TMEM132C: variants seen among roughly 807,000 people sequenced by gnomAD.
The protein encoded by TMEM132C is transmembrane protein 132C.
TMEM132C carries 29 observed loss-of-function variants against 61.4 expected under a neutral mutation model. The observed-to-expected ratio is 0.47, with a 90% confidence interval of 0.35 to 0.64. TMEM132C has a LOEUF of 0.64. TMEM132C is among the 30% of genes least tolerant of loss of function. The pLI, the probability that TMEM132C is intolerant of heterozygous loss-of-function variation, is 0.00. For synonymous variants in TMEM132C, 656 were observed against 633.1 expected, an observed-to-expected ratio of 1.04 and a Z score of -0.54; for missense variants, 1,408 against 1,476.9, an observed-to-expected ratio of 0.95 and a Z score of 0.76.
chr12:128,319,138 C>A (rs1378125482), intron 1 of TMEM132C, among the ~76,000 whole-genome samples: 1 of 152,152 alleles, frequency 6.6e-6, no homozygotes, highest in African/African-American at 2.4e-5. Context: ...CTCTGCTCGT[C>A]TTTGTAGAGC....
intron 1 of TMEM132C, among the ~76,000 whole-genome samples, chr12:128,283,834 G>T (rs771294276): frequency 1.3e-5 from 2 of 151,950 alleles, no homozygotes; most frequent in African/African-American, 2.4e-5. Context: ...CCCTGATGCC[G>T]CCTGTCCTCC....
chr12:128,592,316 C>T (rs576855916), intron 3 of TMEM132C, among the ~76,000 whole-genome samples: 101 of 152,292 alleles, frequency 6.6e-4, no homozygotes, highest in Admixed American at 3.1e-3. Context: ...CACTCTTGGA[C>T]ATTTGAGAAT....
chr12:128,450,411 T>C (rs1565940060), intron 2 of TMEM132C, among the ~76,000 whole-genome samples: 2 of 152,118 alleles, frequency 1.3e-5, no homozygotes, highest in Non-Finnish European at 2.9e-5. Context: ...TCAGGGACCC[T>C]ATGTTTCTCA....
chr12:128,358,849 A>G (rs1390418508), intron 1 of TMEM132C, among the ~76,000 whole-genome samples: 2 of 152,184 alleles, frequency 1.3e-5, no homozygotes, highest in African/African-American at 4.8e-5. Context: ...CCATATACTC[A>G]TGTTAACTGA....
chr12:128,680,586 C>T (rs1954627114), intron 5 of TMEM132C, among the ~76,000 whole-genome samples: 1 of 152,214 alleles, frequency 6.6e-6, no homozygotes, highest in Non-Finnish European at 1.5e-5. Flanking sequence ...CTAGTGTCTA[C>T]CACACTGGAC....
rs545673779 is a variant in TMEM132C, at chr12:128,308,569, C to T, written c.85+41082C>T. Among the ~76,000 whole-genome samples, 8 of 152,258 alleles carry T rather than the reference C, an allele frequency of 5.3e-5. No individual in the cohort carries two copies. In the South Asian group the frequency reaches 1.7e-3, roughly 32 times the overall value. ...TGAATGGAGGAATGTTTGTAAATCT[C>T]CCTTAGTGCTTCCTTGGGACAGGGC... is the stretch of plus-strand genomic sequence containing the variant. On this transcript the variant is annotated intron_variant, in intron 1 of 8. Coordinates refer to ENST00000435159, the MANE Select transcript of TMEM132C (RefSeq NM_001136103.3).
intron 1 of TMEM132C, among the ~76,000 whole-genome samples, chr12:128,356,640 A>G (rs557279109): frequency 6.6e-6 from 1 of 152,346 alleles, no homozygotes; most frequent in East Asian, 1.9e-4. Context: ...CTAGGGTTGA[A>G]CAGGACACTT....
intron 2 of TMEM132C, among the ~76,000 whole-genome samples, chr12:128,425,309 C>G (rs1174360064): frequency 1.3e-5 from 2 of 152,238 alleles, no homozygotes; most frequent in African/African-American, 4.8e-5. Context: ...TGGGAGGGGC[C>G]GTAGTGAATG....
At chr12:128,402,620 C>G (rs1305905320) in intron 1 of TMEM132C, among the ~76,000 whole-genome samples, 1 of 149,604 alleles carries the variant, frequency 6.7e-6, no homozygotes. Context: ...TCAGAACCCA[C>G]CTGCAGACGG....
chr12:128,451,977 T>G (rs1233747076), intron 2 of TMEM132C, among the ~76,000 whole-genome samples: 1 of 151,904 alleles, frequency 6.6e-6, no homozygotes, highest in Non-Finnish European at 1.5e-5. Flanking sequence ...AAATTAAATT[T>G]TAAGTATTAT....
intron 2 of TMEM132C, among the ~76,000 whole-genome samples, chr12:128,515,250 A>G (rs1285232207): frequency 6.6e-6 from 1 of 152,218 alleles, no homozygotes; most frequent in Non-Finnish European, 1.5e-5. Flanking sequence ...AGAGAGGTAC[A>G]CACAGATAGC....
chr12:128,267,639 G>T (rs1035122415), intron 1 of TMEM132C, among the ~76,000 whole-genome samples, 152 bp downstream of exon 1: 3 of 152,102 alleles, frequency 2.0e-5, no homozygotes, highest in Admixed American at 1.3e-4. Context: ...GTGCCGAGCC[G>T]CCCCTAATCC....
At chr12:128,493,826 T>C (rs1470061691) in intron 2 of TMEM132C, among the ~76,000 whole-genome samples, 1 of 152,174 alleles carries the variant, frequency 6.6e-6, no homozygotes, top group Non-Finnish European at 1.5e-5. Context: ...CTTTTCCTAA[T>C]TGAATACCCT....
intron 2 of TMEM132C, among the ~76,000 whole-genome samples, chr12:128,528,561 G>A (rs1327450521): frequency 6.6e-6 from 1 of 152,140 alleles, no homozygotes; most frequent in Non-Finnish European, 1.5e-5. Context: ...TTGGAACAGA[G>A]TTTCTCAACC....
At chr12:128,580,765 C>T (rs1021393769) in intron 3 of TMEM132C, among the ~76,000 whole-genome samples, 8 of 152,162 alleles carry the variant, frequency 5.3e-5, no homozygotes, top group Non-Finnish European at 8.8e-5. Context: ...TGCCCGCTCG[C>T]GCCAGCTTGC....
chr12:128,556,291 A>G (rs1416818757), intron 3 of TMEM132C, among the ~76,000 whole-genome samples: 2 of 152,196 alleles, frequency 1.3e-5, no homozygotes, highest in African/African-American at 2.4e-5. Context: ...CCATGGAGGA[A>G]ATGAATTTTC....
At chr12:128,548,632 A>G (rs74445084) in intron 3 of TMEM132C, among the ~76,000 whole-genome samples, 3,463 of 152,278 alleles carry the variant, frequency 0.023, 117 homozygotes, top group African/African-American at 0.077. Flanking sequence ...TCTAGGCACT[A>G]GGATGTGGAC....
chr12:128,703,513 G>T (rs1274655614), intron 8 of TMEM132C, among the ~76,000 whole-genome samples: 1 of 152,212 alleles, frequency 6.6e-6, no homozygotes, highest in Non-Finnish European at 1.5e-5. Context: ...TCCACGGTGT[G>T]TGTGTACCAC....
chr12:128,496,083 C>T (rs1871945875), intron 2 of TMEM132C, among the ~76,000 whole-genome samples: 1 of 151,918 alleles, frequency 6.6e-6, no homozygotes, highest in Non-Finnish European at 1.5e-5. Flanking sequence ...ATTTCTCCTT[C>T]ACTTATGAAG....
Sources: allele counts gnomAD v4.1 joint callset (sites outside exome capture counted in the v4.1 genomes callset), GRCh38; gene constraint gnomAD v4.1.1; transcripts MANE v1.5; gene names NCBI Gene and HGNC (gene_info 2026-07-23, HGNC 2026-07-21).